The following NPAS3 variants were observed in gnomAD, a reference collection of about 807,000 sequenced individuals.
The protein encoded by NPAS3 is neuronal PAS domain-containing protein 3.
Under a neutral mutation model 73.1 loss-of-function variants are expected in NPAS3, and 14 were observed. That is an observed-to-expected ratio of 0.19 (90% CI 0.13 to 0.30). The LOEUF is 0.30. NPAS3 is among the 10% of genes least tolerant of loss of function. The probability of loss-of-function intolerance (pLI) is 1.00; values close to 1 mark genes in which losing one functional copy is unlikely to be tolerated. For synonymous variants in NPAS3, 620 were observed against 541.5 expected (o/e 1.14, Z -2.01); for missense variants, 1,096 against 1,250.0 (o/e 0.88, Z 1.86).
chr14:33,545,258 T>C (rs1244758860), intron 4 of NPAS3, among the ~76,000 whole-genome samples: 3 of 152,110 alleles, frequency 2.0e-5, no homozygotes, highest in African/African-American at 7.2e-5. Context: ...TAACTGCCCT[T>C]AGTAGATTAT....
At chr14:33,584,419 T>G (rs1432308599) in intron 5 of NPAS3, among the ~76,000 whole-genome samples, 1 of 111,424 alleles carries the variant, frequency 9.0e-6, no homozygotes, top group Admixed American at 8.8e-5. Flanking sequence ...AAAAGGGGGA[T>G]CAATAGAGAT....
intron 4 of NPAS3, among the ~76,000 whole-genome samples, chr14:33,554,638 G>C (rs1430410577): frequency 6.6e-6 from 1 of 152,136 alleles, no homozygotes; most frequent in Non-Finnish European, 1.5e-5. Flanking sequence ...GAGTTTGGGG[G>C]TGATTTTTCC....
intron 3 of NPAS3, among the ~76,000 whole-genome samples, chr14:33,250,852 T>G (rs2048558324): frequency 1.3e-5 from 2 of 152,136 alleles, no homozygotes; most frequent in South Asian, 4.1e-4. Context: ...CATACTTGGT[T>G]GCATAAATAC....
intron 5 of NPAS3, among the ~76,000 whole-genome samples, chr14:33,618,084 T>C (rs981976524): frequency 6.6e-6 from 1 of 152,142 alleles, no homozygotes; most frequent in Non-Finnish European, 1.5e-5. Flanking sequence ...AATGTATTTT[T>C]TCACATATCC....
chr14:33,671,845 C>T (rs2059617812), intron 5 of NPAS3, among the ~76,000 whole-genome samples: 1 of 152,066 alleles, frequency 6.6e-6, no homozygotes, highest in Non-Finnish European at 1.5e-5. Flanking sequence ...ATAAACAGAA[C>T]ATGGATTTTT....
chr14:33,377,712 G>A (rs1247940841), intron 4 of NPAS3, among the ~76,000 whole-genome samples: 1 of 152,204 alleles, frequency 6.6e-6, no homozygotes, highest in African/African-American at 2.4e-5. Flanking sequence ...GAAGCAGTTT[G>A]AGGTAACATT....
chr14:33,255,583 T>G (rs2048749536), intron 3 of NPAS3, among the ~76,000 whole-genome samples: 1 of 152,144 alleles, frequency 6.6e-6, no homozygotes, highest in African/African-American at 2.4e-5. Flanking sequence ...TCTCCATGAT[T>G]ATAGTTTTTG....
At chr14:33,041,510 A>G (rs1459701428) in intron 1 of NPAS3, among the ~76,000 whole-genome samples, 2 of 152,180 alleles carry the variant, frequency 1.3e-5, no homozygotes, top group South Asian at 2.1e-4. Flanking sequence ...TCTTGTGGGT[A>G]CACATAAAAA....
intron 5 of NPAS3, among the ~76,000 whole-genome samples, chr14:33,648,199 T>A (rs969005589): frequency 2.0e-5 from 3 of 152,200 alleles, no homozygotes; most frequent in African/African-American, 4.8e-5. Context: ...AATTTATCTA[T>A]AAGGGGCTGT....
intron 6 of NPAS3, among the ~76,000 whole-genome samples, chr14:33,692,938 C>A (rs927794335): frequency 6.8e-6 from 1 of 146,616 alleles, no homozygotes; most frequent in Non-Finnish European, 1.5e-5. Flanking sequence ...GAACTTGTAG[C>A]AAAGTGAATT....
At chr14:33,774,346 A>T (rs145525562) in exon 8 of NPAS3, 23 of 1,613,510 alleles carry the variant, frequency 1.4e-5, no homozygotes, top group African/African-American at 2.7e-5. Context: ...GGTGATTCAC[A>T]TAACAGGCCG....
In NPAS3 at chr14:33,348,836, G is replaced by A. The variant is rs1046066772; in HGVS notation, c.386-18350G>A. Among the ~76,000 whole-genome samples the A allele has an allele frequency of 9.9e-5, 15 of 152,140 alleles. 1 individual carries two copies. The highest frequency in any genetic ancestry group is 3.6e-4 in the African/African-American group (15 of 41,428). ...AGGGATGTCGCAGGTTTCCTGTTTT[G>A]GGAAGAGGTGTTCAGGGTTAGAATT... On this transcript the variant is annotated intron_variant, in intron 3 of 11. Coordinates refer to ENST00000356141, the Ensembl canonical transcript of NPAS3.
intron 4 of NPAS3, among the ~76,000 whole-genome samples, chr14:33,389,053 G>T (rs2046893412): frequency 6.6e-6 from 1 of 152,108 alleles, no homozygotes; most frequent in South Asian, 2.1e-4. Context: ...GCAATAAAAG[G>T]CACTGTTCCT....
At chr14:33,525,889 GA>G (rs1285192686) in intron 4 of NPAS3, among the ~76,000 whole-genome samples, 1 of 152,076 alleles carries the variant, frequency 6.6e-6, no homozygotes, top group African/African-American at 2.4e-5. Context: ...AATAGAAGGA[GA>G]AATGTGAGAT....
intron 7 of NPAS3, among the ~76,000 whole-genome samples, chr14:33,746,679 C>T (rs185003748): frequency 6.6e-6 from 1 of 151,978 alleles, no homozygotes; most frequent in East Asian, 1.9e-4. Flanking sequence ...AGAGAAATTA[C>T]CGAGAATTAG....
intron 4 of NPAS3, among the ~76,000 whole-genome samples, chr14:33,510,084 C>A (rs2052972378): frequency 6.6e-6 from 1 of 152,054 alleles, no homozygotes; most frequent in Admixed American, 6.6e-5. Context: ...TCAGGACATG[C>A]TCCTCCATAA....
At chr14:33,735,460 C>T (rs1176510999) in intron 7 of NPAS3, 128 bp downstream of exon 7, 7 of 691,520 alleles carry the variant, frequency 1.0e-5, no homozygotes, top group African/African-American at 8.8e-5. Flanking sequence ...ATAGGATTCC[C>T]AGTCATCTTC....
chr14:33,593,131 C>T (rs1377186351), intron 5 of NPAS3, among the ~76,000 whole-genome samples: 2 of 152,040 alleles, frequency 1.3e-5, no homozygotes, highest in Non-Finnish European at 1.5e-5. Flanking sequence ...CAGCACCTAT[C>T]GTTTATGAAG....
chr14:33,428,300 T>C (rs552203828), intron 4 of NPAS3, among the ~76,000 whole-genome samples: 1 of 152,260 alleles, frequency 6.6e-6, no homozygotes, highest in East Asian at 1.9e-4. Context: ...AGAATACTTA[T>C]ATCTATTTCA....
Sources: allele counts gnomAD v4.1 joint callset (sites outside exome capture counted in the v4.1 genomes callset), GRCh38; gene constraint gnomAD v4.1.1; transcripts MANE v1.5; gene names NCBI Gene and HGNC (gene_info 2026-07-23, HGNC 2026-07-21).